C9orf50: variants seen among roughly 807,000 people sequenced by gnomAD.
C9orf50 encodes uncharacterized protein C9orf50.
C9orf50 carries 33 observed loss-of-function variants against 42.5 expected under a neutral mutation model. That is an observed-to-expected ratio of 0.78 (90% CI 0.59 to 1.04). C9orf50 has a LOEUF of 1.04. C9orf50 is among the 50% of genes least tolerant of loss of function. The probability of loss-of-function intolerance (pLI) is 0.00; values close to 1 mark genes in which losing one functional copy is unlikely to be tolerated. For synonymous variants in C9orf50, 257 were observed against 273.4 expected, an observed-to-expected ratio of 0.94 and a Z score of 0.59; for missense variants, 547 against 594.3, an observed-to-expected ratio of 0.92 and a Z score of 0.83.
rs377213472 is a variant in C9orf50 at position 129,619,507 on chromosome 9, G to A, written c.716+13C>T. ...TCCTCCACTACCCTACCCTTATCCC[G>A]CCCATCACTCACTGGTTGGCCTTTC... On this transcript the variant is annotated intron_variant, in intron 3 of 6. Coordinates refer to ENST00000372478, the Ensembl canonical transcript of C9orf50. The A allele has an allele frequency of 2.1e-5, 33 of 1,589,922 alleles. No individual in the cohort carries two copies. The highest frequency in any genetic ancestry group is 3.3e-4 in the Middle Eastern group (2 of 5,990).
chr9:129,619,343 C>T (rs1294948271), intron 3 of C9orf50, among the ~76,000 whole-genome samples, 177 bp downstream of exon 3: 1 of 151,904 alleles, frequency 6.6e-6, no homozygotes, highest in Non-Finnish European at 1.5e-5. Context: ...GATGAACTGG[C>T]GAATGAATCT....
chr9:129,615,112 A>G lies in C9orf50; in HGVS notation c.880+372T>C, dbSNP rs370167380. On this transcript the variant is annotated intron_variant, in intron 4 of 6. Transcript: ENST00000372478. Reference sequence around the variant, plus strand: ...TGGATGTCAAAGGAAGATGCTTCCAATGGCATCTGGACCTCCTCCAGCCCC... The same window carrying G: ...TGGATGTCAAAGGAAGATGCTTCCAGTGGCATCTGGACCTCCTCCAGCCCC... Among the ~76,000 whole-genome samples, 9 of 152,322 alleles carry G rather than the reference A, an allele frequency of 5.9e-5. No individual in the cohort carries two copies. The East Asian group carries it at 1.4e-3, about 23-fold the overall frequency.
At chr9:129,617,152 G>T (rs182768962) in intron 3 of C9orf50, among the ~76,000 whole-genome samples, 217 of 152,370 alleles carry the variant, frequency 1.4e-3, no homozygotes, top group African/African-American at 5.0e-3. Context: ...ATGGAGGAAG[G>T]TCATGGCTGA....
rs765233612 is a variant in C9orf50, at chr9:129,613,406, G to A, written c.1043+29C>T. ...GGTGGAGGGCCCTGGCAATGTCCAC[G>A]AGTCCCATCCGCTTCCCTGGAGCCT... On this transcript the variant is annotated intron_variant, in intron 5 of 6. Transcript: ENST00000372478. The surrounding 1 kb of genome is among the most constrained non-coding windows in gnomAD (Gnocchi z 6.2). 7.5e-6 allele frequency: 12 copies of A among 1,608,896 alleles called. No individual in the cohort carries two copies. Among genetic ancestry groups the A allele is most frequent in the South Asian group, 2.2e-5 (2 of 90,988 alleles).
Position 129,620,163 on chromosome 9 carries a change from A to T in C9orf50, c.412T>A (p.Phe138Ile). The T allele has an allele frequency of 3.4e-6, 5 of 1,461,930 alleles. No individual in the cohort carries two copies. The highest frequency in any genetic ancestry group is 4.5e-6 in the Non-Finnish European group (5 of 1,102,764). The allele number at this position is 1,461,930 out of a possible 1,614,324, so 90.6% of individuals were successfully genotyped here. ...AGCTCTCCTAGGAAGGCGCCCAAGA[A>T]GTCGGGGTCCTCCCTGGCCACGCGC... is the stretch of plus-strand genomic sequence containing the variant. Residue 138 changes from phenylalanine (F) to isoleucine (I), a missense_variant, in exon 1 of 7, where the codon TTC becomes ATC. Around this residue, in one of 3 missense-constraint regions of C9orf50, gnomAD observed 108 missense variants for 172.1 expected, o/e 0.63. Transcript: ENST00000372478. The surrounding 1 kb of genome is among the most constrained non-coding windows in gnomAD (Gnocchi z 5.8).
intron 2 of C9orf50, 46 bp downstream of exon 2, chr9:129,619,694 C>T (rs367658570): frequency 4.3e-5 from 69 of 1,612,550 alleles, no homozygotes; most frequent in Admixed American, 1.0e-4. Context: ...GCCCTGGAAA[C>T]ATCGATGGCA....
rs147397763 is a variant in C9orf50, at chr9:129,615,772, C to G, written c.717-125G>C. On this transcript the variant is annotated intron_variant, in intron 3 of 6. Transcript: ENST00000372478. ...TACACTGGTCTTGAAGAATGGATAACGCCAATCACAGCAGCCGGCCTTAAC... is the reference window on the plus strand; with the variant it reads ...TACACTGGTCTTGAAGAATGGATAAGGCCAATCACAGCAGCCGGCCTTAAC... 49 of 1,082,926 alleles carry G rather than the reference C, an allele frequency of 4.5e-5. No homozygotes were observed. The South Asian group carries it at 8.7e-4, about 19-fold the overall frequency. The allele number at this position is 1,082,926 out of a possible 1,614,324, so 67.1% of individuals were successfully genotyped here.
intron 6 of C9orf50, among the ~76,000 whole-genome samples, 194 bp from the exon 7 acceptor site, chr9:129,612,648 C>A (rs1214642529): frequency 6.6e-6 from 1 of 152,210 alleles, no homozygotes; most frequent in Non-Finnish European, 1.5e-5. Flanking sequence ...GAGGCCAAGG[C>A]GGACAGATCA....
In C9orf50 at chr9:129,620,517, C is replaced by T. The variant is rs1320987338; in HGVS notation, c.58G>A (p.Gly20Ser). The T allele has an allele frequency of 6.9e-7, 1 of 1,444,170 alleles. No individual in the cohort carries two copies. The highest frequency in any genetic ancestry group is 9.1e-7 in the Non-Finnish European group (1 of 1,096,620). The allele number at this position is 1,444,170 out of a possible 1,614,324, so 89.5% of individuals were successfully genotyped here. Residue 20 changes from glycine to serine, a missense_variant, in exon 1 of 7, where the codon GGC becomes AGC. Physicochemically the swap from Gly to Ser is moderately conservative, Grantham distance 56. Coordinates refer to ENST00000372478, the Ensembl canonical transcript of C9orf50. The surrounding 1 kb of genome is among the most constrained non-coding windows in gnomAD (Gnocchi z 5.8). ...CTGCTGCGTCGGAAGTCTCCGTCGC[C>T]AGGGAGCCCCTTGGGCGCCAGGTCC...
Position 129,615,468 on chromosome 9 carries a change from C to A in C9orf50, c.880+16G>T. On this transcript the variant is annotated intron_variant, in intron 4 of 6. Transcript: ENST00000372478. ...AACTTTCGGGAGTCTCGAGGCTCCCCATCCTGTCTGCTTACCTGAGCGTCT... is the reference window on the plus strand; with the variant it reads ...AACTTTCGGGAGTCTCGAGGCTCCCAATCCTGTCTGCTTACCTGAGCGTCT... The A allele has an allele frequency of 6.4e-7, 1 of 1,567,796 alleles. No individual in the cohort carries two copies. Among genetic ancestry groups the A allele is most frequent in the African/African-American group, 1.4e-5 (1 of 73,548 alleles).
chr9:129,613,400 G>C lies in C9orf50; in HGVS notation c.1043+35C>G. ...AAGGGGGGTGGAGGGCCCTGGCAATGTCCACGAGTCCCATCCGCTTCCCTG... is the reference window on the plus strand; with the variant it reads ...AAGGGGGGTGGAGGGCCCTGGCAATCTCCACGAGTCCCATCCGCTTCCCTG... On this transcript the variant is annotated intron_variant, in intron 5 of 6. Coordinates refer to ENST00000372478, the Ensembl canonical transcript of C9orf50. This position sits in a 1 kb window ranked among gnomAD's most constrained non-coding sequence, Gnocchi z 6.2. The C allele has an allele frequency of 1.9e-6, 3 of 1,606,858 alleles. No individual in the cohort carries two copies. The highest frequency in any genetic ancestry group is 2.6e-6 in the Non-Finnish European group (3 of 1,175,248).
chr9:129,619,103 G>GGTGA (rs1265556423), intron 3 of C9orf50, among the ~76,000 whole-genome samples: 1 of 152,084 alleles, frequency 6.6e-6, no homozygotes, highest in Non-Finnish European at 1.5e-5. Flanking sequence ...TGGGTGGGTG[G>GGTGA]GTGAGTGAAT....
At chr9:129,618,510 T>C (rs1026736022) in intron 3 of C9orf50, among the ~76,000 whole-genome samples, 2 of 152,150 alleles carry the variant, frequency 1.3e-5, no homozygotes, top group Non-Finnish European at 2.9e-5. Flanking sequence ...GATGGACAGA[T>C]GCGTGGCTGG....
At chr9:129,619,773 C>T (rs758796621) in exon 2 of C9orf50, 1 of 1,614,006 alleles carries the variant, frequency 6.2e-7, no homozygotes, top group Non-Finnish European at 8.5e-7. Flanking sequence ...GTTGGGACAC[C>T]GCGGAGACCC....
chr9:129,613,294 C>T lies in C9orf50; in HGVS notation c.1044-43G>A. 2 of 1,570,970 alleles carry T rather than the reference C, an allele frequency of 1.3e-6. No homozygotes were observed. Among genetic ancestry groups the T allele is most frequent in the Non-Finnish European group, 1.7e-6 (2 of 1,157,126 alleles). On this transcript the variant is annotated intron_variant, in intron 5 of 6. Transcript: ENST00000372478. The surrounding 1 kb of genome is among the most constrained non-coding windows in gnomAD (Gnocchi z 6.2). ...CCATGAGCTTCCTGGACTCTGAGTC[C>T]CCGGCCCACCCATGGCTGGCAGGGC... is the stretch of plus-strand genomic sequence containing the variant.
chr9:129,617,980 G>A (rs1164382405), intron 3 of C9orf50, among the ~76,000 whole-genome samples: 1 of 152,198 alleles, frequency 6.6e-6, no homozygotes. Context: ...CACCATGCTT[G>A]GCCATGTGTT....
chr9:129,621,381 C>T (rs28457144), upstream of C9orf50, among the ~76,000 whole-genome samples: 8,677 of 152,206 alleles, frequency 0.057, 309 homozygotes, highest in South Asian at 0.098. Flanking sequence ...CTTGCTAAGA[C>T]GGGGTCCTGC....
At chr9:129,616,822 TA>T (rs1279131034) in intron 3 of C9orf50, among the ~76,000 whole-genome samples, 1 of 152,180 alleles carries the variant, frequency 6.6e-6, no homozygotes, top group Admixed American at 6.5e-5. Flanking sequence ...CTCACGCCTG[TA>T]ATCCCAGCAC....
At chr9:129,619,378 T>G (rs1830556615) in intron 3 of C9orf50, 142 bp downstream of exon 3, 1 of 682,156 alleles carries the variant, frequency 1.5e-6, no homozygotes, top group Non-Finnish European at 2.6e-6. Flanking sequence ...GAAGATCTGA[T>G]TCACGGACAG....
Sources: gnomAD v4.1 joint callset for allele counts (sites outside exome capture counted in the v4.1 genomes callset) on GRCh38, gnomAD v4.1.1 for gene constraint, gnomAD v4.1.1 regional missense constraint, Gnocchi (gnomAD v3.1) non-coding constraint, MANE v1.5 for transcripts, NCBI Gene and HGNC (gene_info 2026-07-23, HGNC 2026-07-21) for gene names.